Variants in RUFY3 observed in about 807,000 individuals in gnomAD.
RUFY3 encodes RUN and FYVE domain containing 3.
Under a neutral mutation model 84.0 loss-of-function variants are expected in RUFY3, and 34 were observed. The ratio of observed to expected loss-of-function variants is 0.40; its 90% CI spans 0.31 to 0.54. The LOEUF is 0.54. Ranked by LOEUF, RUFY3 falls within the 20% of genes least tolerant of loss-of-function variation. The pLI is 0.39. For synonymous variants in RUFY3, 242 were observed against 252.9 expected (o/e 0.96, Z 0.41); for missense variants, 507 against 736.8 (o/e 0.69, Z 3.61).
chr4:70,782,159 A>G (rs978343995), intron 8 of RUFY3, among the ~76,000 whole-genome samples: 3 of 152,152 alleles, frequency 2.0e-5, no homozygotes, highest in Non-Finnish European at 4.4e-5. Flanking sequence ...TTTATTAAAC[A>G]TTTTAGAAAT....
At chr4:70,779,692 C>A (rs1222350234) in intron 8 of RUFY3, among the ~76,000 whole-genome samples, 1 of 151,720 alleles carries the variant, frequency 6.6e-6, no homozygotes, top group Non-Finnish European at 1.5e-5. Flanking sequence ...AAGTGATCTC[C>A]CACCCTCAGC....
chr4:70,791,100 A>ATAATAC, intron 12 of RUFY3: 2 of 574,280 alleles, frequency 3.5e-6, no homozygotes, highest in Non-Finnish European at 5.9e-6. Flanking sequence ...TAAAGCAAAC[A>ATAATAC]GAAAGAGAAT....
chr4:70,765,567 T>G (rs2148713609), intron 4 of RUFY3, among the ~76,000 whole-genome samples: 1 of 152,310 alleles, frequency 6.6e-6, no homozygotes, highest in South Asian at 2.1e-4. Context: ...ATATTCCACT[T>G]CTGAACAGTT....
Position 70,773,546 on chromosome 4 carries a change from C to T in RUFY3, c.732C>T (p.Asp244=), listed in dbSNP as rs369342611. The T allele has an allele frequency of 3.4e-5, 55 of 1,611,170 alleles. No homozygotes were observed. Among genetic ancestry groups the T allele is most frequent in the African/African-American group, 3.1e-4 (23 of 74,954 alleles). The change falls in exon 6 of 18, where the codon GAC becomes GAT. Residue 244 remains aspartate (D), a synonymous_variant. Coordinates refer to ENST00000381006, the MANE Select transcript of RUFY3 (RefSeq NM_001037442.4). ...GVIDFSMYLK[D]GNSSKGTEGD... Reference sequence around the variant, plus strand: ...TAGATTTTTCAATGTATCTCAAGGACGGGAACAGCAGTAAAGGTACTGAAG... The same window carrying T: ...TAGATTTTTCAATGTATCTCAAGGATGGGAACAGCAGTAAAGGTACTGAAG...
chr4:70,750,054 A>G (rs1722888764), intron 1 of RUFY3, among the ~76,000 whole-genome samples: 1 of 151,690 alleles, frequency 6.6e-6, no homozygotes. Context: ...AGGCCAGAGT[A>G]CAGTAGCATG....
intron 1 of RUFY3, among the ~76,000 whole-genome samples, chr4:70,708,906 AAGTT>A (rs1247939642): frequency 6.6e-6 from 1 of 152,188 alleles, no homozygotes; most frequent in African/African-American, 2.4e-5. Context: ...AATTAAAAAT[AAGTT>A]AGCTGGGTAT....
At chr4:70,792,956 G>A in intron 12 of RUFY3, 1 of 985,378 alleles carries the variant, frequency 1.0e-6, no homozygotes, top group Non-Finnish European at 1.2e-6. Flanking sequence ...CATTTGGAAG[G>A]AGTGATCAAA....
chr4:70,715,356 C>T (rs1007494639), intron 1 of RUFY3, among the ~76,000 whole-genome samples: 24 of 151,578 alleles, frequency 1.6e-4, no homozygotes, highest in African/African-American at 5.8e-4. Context: ...GGCCGAGGCA[C>T]GTGGATCTCT....
chr4:70,747,567 A>C (rs1182853864), intron 1 of RUFY3, among the ~76,000 whole-genome samples: 2 of 151,766 alleles, frequency 1.3e-5, no homozygotes, highest in Admixed American at 1.3e-4. Flanking sequence ...TCGTGGGCAT[A>C]CTTTAAAGGC....
intron 1 of RUFY3, among the ~76,000 whole-genome samples, chr4:70,727,507 C>T (rs1363074026): frequency 6.6e-6 from 1 of 151,238 alleles, no homozygotes; most frequent in African/African-American, 2.4e-5. Context: ...AGGCAGACGC[C>T]ACCACGCCTG....
At chr4:70,704,555 A>C, upstream of RUFY3, 1 of 167,058 alleles carries the variant, frequency 6.0e-6, no homozygotes. Flanking sequence ...CGGGTAAGGA[A>C]GAGGCCCAGG....
intron 17 of RUFY3, among the ~76,000 whole-genome samples, chr4:70,805,801 G>C (rs1732773533): frequency 6.6e-6 from 1 of 152,098 alleles, no homozygotes; most frequent in Non-Finnish European, 1.5e-5. Flanking sequence ...GAATTATTTG[G>C]GATGAAGGTA....
At chr4:70,797,578 C>T (rs1412498295) in intron 14 of RUFY3, among the ~76,000 whole-genome samples, 1 of 152,166 alleles carries the variant, frequency 6.6e-6, no homozygotes, top group Non-Finnish European at 1.5e-5. Context: ...GGCACGGTGG[C>T]TCACACCTGT....
intron 1 of RUFY3, among the ~76,000 whole-genome samples, chr4:70,731,040 CT>C (rs1321175989): frequency 0.11 from 14,998 of 141,272 alleles, 1,429 homozygotes; most frequent in African/African-American, 0.28. Context: ...TGATTGCCAT[CT>C]TTTTTTTTTT....
chr4:70,780,588 C>T (rs901021728), intron 8 of RUFY3, among the ~76,000 whole-genome samples: 2 of 152,222 alleles, frequency 1.3e-5, no homozygotes, highest in African/African-American at 4.8e-5. Flanking sequence ...CCGCCGTACC[C>T]AGCCACTTGC....
chr4:70,741,584 G>T, intron 1 of RUFY3: 1 of 1,490,116 alleles, frequency 6.7e-7, no homozygotes, highest in South Asian at 1.3e-5. Flanking sequence ...GGGCTTGCAT[G>T]ACATTTTATC....
intron 1 of RUFY3, among the ~76,000 whole-genome samples, chr4:70,725,231 C>T (rs772842564): frequency 3.3e-5 from 5 of 152,164 alleles, no homozygotes; most frequent in Admixed American, 2.0e-4. Context: ...GAGTTTCTGC[C>T]TACTTTAACC....
chr4:70,780,582 C>A (rs1277985960), intron 8 of RUFY3, among the ~76,000 whole-genome samples: 2 of 152,198 alleles, frequency 1.3e-5, no homozygotes, highest in Non-Finnish European at 2.9e-5. Context: ...CATGAGCCGC[C>A]GTACCCAGCC....
At position 70,793,789 on chromosome 4, in the gene RUFY3, C is replaced by G; in HGVS notation, c.1342C>G (p.Arg448Gly). 1 of 1,613,940 alleles carries G rather than the reference C, an allele frequency of 6.2e-7. No individual in the cohort carries two copies. Among genetic ancestry groups the G allele is most frequent in the Non-Finnish European group, 8.5e-7 (1 of 1,179,952 alleles). The change falls in exon 13 of 18, where the codon CGC becomes GGC. Residue 448 changes from arginine (R) to glycine (G), a missense_variant. Around this residue, in one of 4 missense-constraint regions of RUFY3, gnomAD observed 334 missense variants for 364.1 expected, o/e 0.92. Coordinates refer to ENST00000381006, the MANE Select transcript of RUFY3 (RefSeq NM_001037442.4). ...GTTCATGTGGCTCACATCCAGATTG[C>G]GCCAGGCTGAGCGAAGCCGCCAATC... ...ATIKQLEQRL[R>G]QAERSRQSAE... is the part of the protein sequence containing the mutation.
Sources: gnomAD v4.1 joint callset for allele counts (sites outside exome capture counted in the v4.1 genomes callset) on GRCh38, gnomAD v4.1.1 for gene constraint, gnomAD v4.1.1 regional missense constraint, MANE v1.5 for transcripts, NCBI Gene and HGNC (gene_info 2026-07-23, HGNC 2026-07-21) for gene names.